Variants in AKT3 observed in about 807,000 individuals in gnomAD.
AKT3 encodes the protein AKT serine/threonine kinase 3.
Under a neutral mutation model 65.3 loss-of-function variants are expected in AKT3, and 15 were observed. That is an observed-to-expected ratio of 0.23 (90% CI 0.15 to 0.35). AKT3 has a LOEUF of 0.35. Among genes scored for constraint, AKT3 ranks in the 10% least tolerant of loss-of-function variants. The pLI is 1.00. For synonymous variants in AKT3, 206 were observed against 183.8 expected, an observed-to-expected ratio of 1.12 and a Z score of -0.98; for missense variants, 243 against 576.5, an observed-to-expected ratio of 0.42 and a Z score of 5.92.
intron 8 of AKT3, among the ~76,000 whole-genome samples, chr1:243,580,160 C>A (rs1277594866): frequency 6.6e-6 from 1 of 152,146 alleles, no homozygotes; most frequent in Non-Finnish European, 1.5e-5. Flanking sequence ...CAGGAATCTA[C>A]TGGAATCATG....
intron 6 of AKT3, among the ~76,000 whole-genome samples, chr1:243,623,025 C>T (rs1246617230): frequency 6.6e-6 from 1 of 152,212 alleles, no homozygotes; most frequent in African/African-American, 2.4e-5. Flanking sequence ...GTCTTCAGAA[C>T]TGGCGCCGTT....
chr1:243,693,225 C>A, intron 3 of AKT3, among the ~76,000 whole-genome samples: 1 of 97,674 alleles, frequency 1.0e-5, no homozygotes, highest in Non-Finnish European at 2.0e-5. Context: ...ATATATATCC[C>A]TTTGGTAGCT....
chr1:243,576,110 T>C (rs933443125), intron 8 of AKT3, among the ~76,000 whole-genome samples: 3 of 152,094 alleles, frequency 2.0e-5, no homozygotes, highest in African/African-American at 7.2e-5. Context: ...TAATTCATAA[T>C]ATAAACAGAA....
At chr1:243,809,439 C>T (rs1466246739) in intron 2 of AKT3, among the ~76,000 whole-genome samples, 3 of 152,048 alleles carry the variant, frequency 2.0e-5, no homozygotes, top group Non-Finnish European at 4.4e-5. Flanking sequence ...ACAAACAAGG[C>T]CATTACATAA....
Position 243,500,952 on chromosome 1 carries a change from T to A in AKT3, c.*4297A>T, listed in dbSNP as rs1029971897. ...GTCCTTAATTCTGTTTTAGATATAC[T>A]GTGAATAAATTATACAATATTCTAA... On this transcript the variant is annotated 3_prime_UTR_variant, in exon 14 of 14. Transcript: ENST00000673466. The A allele has an allele frequency of 3.1e-5, 7 of 227,854 alleles. No individual in the cohort carries two copies. The highest frequency in any genetic ancestry group is 1.6e-4 in the African/African-American group (7 of 45,064). 14.1% of individuals were successfully genotyped at this position (227,854 alleles called of 1,614,324 possible). A position where few individuals can be genotyped will look rare whatever the true frequency, so the allele number is the denominator to read the frequency against.
At chr1:243,824,705 TA>T (rs1694064101) in intron 2 of AKT3, among the ~76,000 whole-genome samples, 1 of 151,930 alleles carries the variant, frequency 6.6e-6, no homozygotes, top group South Asian at 2.1e-4. Flanking sequence ...CACAAGGAGA[TA>T]CCACCTCACA....
At chr1:243,521,626 C>T (rs891066276) in intron 12 of AKT3, among the ~76,000 whole-genome samples, 1 of 152,152 alleles carries the variant, frequency 6.6e-6, no homozygotes, top group Admixed American at 6.5e-5. Context: ...AATTGAAGTT[C>T]ATGCTGTTAA....
chr1:243,535,258 T>C (rs971544609), intron 12 of AKT3, among the ~76,000 whole-genome samples: 1 of 150,250 alleles, frequency 6.7e-6, no homozygotes. Context: ...GTACAGTGGT[T>C]TTTGGTTACA....
At chr1:243,497,741 C>T (rs1668395856), downstream of AKT3, among the ~76,000 whole-genome samples, 1 of 152,204 alleles carries the variant, frequency 6.6e-6, no homozygotes, top group Non-Finnish European at 1.5e-5. Context: ...GTGTTCTCTA[C>T]CCAAAATTCA....
rs1170476189 is a variant in AKT3, at chr1:243,552,743, C to T, written c.1149G>A (p.Lys383=). 2.5e-6 allele frequency: 4 copies of T among 1,613,642 alleles called. No individual in the cohort carries two copies. The highest frequency in any genetic ancestry group is 2.5e-6 in the Non-Finnish European group (3 of 1,179,852). ...AKSLLSGLLI[K]DPNKRLGGGP... ...TTGAGGCTTACCGTTTATTTGGATC[C>T]TTTATCAAGAGCCCTGAAAGCAATG... Residue 383 remains lysine, a synonymous_variant, in exon 11 of 14, where the codon AAG becomes AAA. Transcript: ENST00000673466.
intron 2 of AKT3, among the ~76,000 whole-genome samples, chr1:243,792,236 A>C (rs1333869702): frequency 1.3e-5 from 2 of 152,192 alleles, no homozygotes; most frequent in Non-Finnish European, 2.9e-5. Context: ...TCATGATTCT[A>C]ATAAACATTT....
At chr1:243,544,903 C>T (rs1558603566) in intron 12 of AKT3, among the ~76,000 whole-genome samples, 1 of 151,350 alleles carries the variant, frequency 6.6e-6, no homozygotes, top group Non-Finnish European at 1.5e-5. Context: ...CACTGTGTTG[C>T]CCATGCTGGT....
intron 2 of AKT3, among the ~76,000 whole-genome samples, chr1:243,785,679 C>A (rs1215758630): frequency 6.6e-6 from 1 of 152,160 alleles, no homozygotes; most frequent in Non-Finnish European, 1.5e-5. Context: ...TCGTAGGATG[C>A]GTTCATATTG....
At chr1:243,671,698 C>A (rs1278616416) in intron 3 of AKT3, among the ~76,000 whole-genome samples, 1 of 152,162 alleles carries the variant, frequency 6.6e-6, no homozygotes, top group Non-Finnish European at 1.5e-5. Context: ...ACGTTCCAAG[C>A]ACTGCACAAA....
At chr1:243,698,225 T>C (rs1190033540) in intron 2 of AKT3, among the ~76,000 whole-genome samples, 1 of 152,084 alleles carries the variant, frequency 6.6e-6, no homozygotes, top group African/African-American at 2.4e-5. Flanking sequence ...CAAATGTTGT[T>C]GTACAGCAAT....
At chr1:243,495,637 G>A (rs1047861375), downstream of AKT3, among the ~76,000 whole-genome samples, 4 of 152,222 alleles carry the variant, frequency 2.6e-5, no homozygotes, top group Admixed American at 6.5e-5. Flanking sequence ...CAGCAGGGCC[G>A]CAGGGGCCTG....
At chr1:243,823,397 T>G (rs1029334903) in intron 2 of AKT3, among the ~76,000 whole-genome samples, 2 of 152,180 alleles carry the variant, frequency 1.3e-5, no homozygotes, top group African/African-American at 4.8e-5. Flanking sequence ...CTATTCCTAT[T>G]TAACATAGTA....
chr1:243,584,411 C>T (rs886555144), intron 8 of AKT3, among the ~76,000 whole-genome samples: 1 of 151,942 alleles, frequency 6.6e-6, no homozygotes, highest in Admixed American at 6.6e-5. Context: ...ATAAATTCTA[C>T]TGAAACTATT....
intron 13 of AKT3, chr1:243,488,913 A>G: frequency 1.9e-6 from 3 of 1,573,368 alleles, no homozygotes; most frequent in Non-Finnish European, 8.7e-7. Flanking sequence ...CGTCCTGCTC[A>G]TGGTTCCCTA....
Sources: allele counts gnomAD v4.1 joint callset (sites outside exome capture counted in the v4.1 genomes callset), GRCh38; gene constraint gnomAD v4.1.1; transcripts MANE v1.5; gene names NCBI Gene and HGNC (gene_info 2026-07-23, HGNC 2026-07-21).